Variants in DAB1 observed in about 807,000 individuals in gnomAD.
DAB1 encodes the protein DAB adaptor protein 1.
In DAB1, 15 loss-of-function variants were observed where a neutral mutation model predicts 64.6. The ratio of observed to expected loss-of-function variants is 0.23; its 90% CI spans 0.16 to 0.36. The LOEUF (loss-of-function observed/expected upper bound fraction) is 0.36, where lower values mean the gene tolerates loss of function less well. Ranked by LOEUF, DAB1 falls within the 10% of genes least tolerant of loss-of-function variation. DAB1 has a pLI of 1.00. For synonymous variants in DAB1, 235 were observed against 251.9 expected, an observed-to-expected ratio of 0.93 and a Z score of 0.64; for missense variants, 596 against 706.7, an observed-to-expected ratio of 0.84 and a Z score of 1.78.
At chr1:57,648,404 T>C (rs1032280646) in intron 7 of DAB1, among the ~76,000 whole-genome samples, 3 of 152,026 alleles carry the variant, frequency 2.0e-5, no homozygotes, top group Non-Finnish European at 4.4e-5. Flanking sequence ...ACCAACGAAA[T>C]GCAAAAATTG....
chr1:57,359,011 A>G (rs1679341732), intron 1 of DAB1, among the ~76,000 whole-genome samples: 1 of 152,122 alleles, frequency 6.6e-6, no homozygotes, highest in South Asian at 2.1e-4. Context: ...AAGAAAATAT[A>G]TAAGAAAAGC....
intron 7 of DAB1, among the ~76,000 whole-genome samples, chr1:57,610,344 G>A (rs182723653): frequency 2.4e-4 from 37 of 152,250 alleles, no homozygotes; most frequent in Admixed American, 2.3e-3. Context: ...GCACTAATCT[G>A]AGCACTGTAC....
intron 7 of DAB1, among the ~76,000 whole-genome samples, chr1:57,458,852 A>G (rs1343037713): frequency 6.6e-6 from 1 of 152,094 alleles, no homozygotes; most frequent in African/African-American, 2.4e-5. Context: ...GTAAAAGAAA[A>G]CCAAAATTGA....
intron 12 of DAB1, among the ~76,000 whole-genome samples, chr1:57,012,833 C>T (rs1646305720): frequency 6.6e-6 from 1 of 152,226 alleles, no homozygotes; most frequent in Admixed American, 6.5e-5. Context: ...AGAACACAAG[C>T]TGAGTTGCCA....
At chr1:57,620,985 AG>A (rs1276514159) in intron 7 of DAB1, among the ~76,000 whole-genome samples, 1 of 151,946 alleles carries the variant, frequency 6.6e-6, no homozygotes, top group Admixed American at 6.6e-5. Flanking sequence ...GTTGGTCACA[AG>A]GGGTGTGTGT....
In DAB1 at chr1:57,452,166, C is replaced by CCCTTT. The variant is rs367685387; in HGVS notation, n.626-161001_626-161000insAAAGG. Among the ~76,000 whole-genome samples the CCCTTT allele has an allele frequency of 4.1e-4, 31 of 75,014 alleles. 1 individual carries two copies. The highest frequency in any genetic ancestry group is 6.7e-4 in the South Asian group (1 of 1,492). 49.2% of individuals were successfully genotyped at this position (75,014 alleles called of 152,430 possible). On this transcript the variant is annotated intron_variant and non_coding_transcript_variant, in intron 7 of 20. Coordinates refer to the DAB1 transcript ENST00000485760. ...GATTTAGTCTCTCTCTGCACCCCCCCTTTTTTTTTTTTTTTTTTTTTGACA... is the reference window on the plus strand; with the variant it reads ...GATTTAGTCTCTCTCTGCACCCCCCCCCTTTTTTTTTTTTTTTTTTTTTTTTGACA...
At chr1:57,337,925 C>G (rs1343841519) in intron 1 of DAB1, among the ~76,000 whole-genome samples, 2 of 148,158 alleles carry the variant, frequency 1.3e-5, no homozygotes, top group Non-Finnish European at 3.0e-5. Flanking sequence ...TTGCTTCCTC[C>G]TTTTTTCTCT....
chr1:57,279,174 C>A (rs549333721), intron 2 of DAB1, among the ~76,000 whole-genome samples: 4 of 152,068 alleles, frequency 2.6e-5, no homozygotes, highest in Non-Finnish European at 5.9e-5. Context: ...TTATATCTTC[C>A]ATATCCATGG....
intron 5 of DAB1, among the ~76,000 whole-genome samples, chr1:57,958,531 G>C (rs1204545206): frequency 6.6e-6 from 1 of 152,172 alleles, no homozygotes; most frequent in Non-Finnish European, 1.5e-5. Context: ...CCTACCTCTT[G>C]AGTAAGTCAC....
chr1:57,113,287 T>C (rs1655825462), intron 4 of DAB1, among the ~76,000 whole-genome samples: 2 of 152,230 alleles, frequency 1.3e-5, no homozygotes, highest in African/African-American at 4.8e-5. Flanking sequence ...AGAAATCCTA[T>C]AAAATAGGTA....
chr1:57,814,272 T>A (rs1309151801), intron 6 of DAB1, among the ~76,000 whole-genome samples: 1 of 152,274 alleles, frequency 6.6e-6, no homozygotes. Context: ...AGTACAGATA[T>A]AGTCTATAAT....
chr1:58,489,278 G>T (rs549831197), intron 3 of DAB1, among the ~76,000 whole-genome samples: 1 of 152,160 alleles, frequency 6.6e-6, no homozygotes, highest in African/African-American at 2.4e-5. Flanking sequence ...TTAGCAAACG[G>T]CACACCAGGA....
chr1:57,668,260 A>C (rs1306915679), intron 6 of DAB1, among the ~76,000 whole-genome samples: 1 of 152,104 alleles, frequency 6.6e-6, no homozygotes, highest in Non-Finnish European at 1.5e-5. Context: ...GATACTAAAA[A>C]ATTTAAGATT....
chr1:57,524,816 A>G (rs1644571875), intron 7 of DAB1, among the ~76,000 whole-genome samples: 1 of 152,180 alleles, frequency 6.6e-6, no homozygotes, highest in East Asian at 1.9e-4. Flanking sequence ...TGCAAGTCAC[A>G]GGGGATGCCA....
At chr1:57,335,796 T>A (rs1194187931) in intron 1 of DAB1, among the ~76,000 whole-genome samples, 1 of 152,190 alleles carries the variant, frequency 6.6e-6, no homozygotes. Context: ...AACCTTTTAG[T>A]CAATCTGGCC....
At chr1:57,812,625 C>T (rs1310462179) in intron 6 of DAB1, among the ~76,000 whole-genome samples, 2 of 152,336 alleles carry the variant, frequency 1.3e-5, no homozygotes, top group East Asian at 1.9e-4. Flanking sequence ...AAAACTGCAA[C>T]CCTGTGCCAG....
chr1:57,470,439 T>C (rs1368298382), intron 7 of DAB1, among the ~76,000 whole-genome samples: 1 of 152,230 alleles, frequency 6.6e-6, no homozygotes, highest in Non-Finnish European at 1.5e-5. Flanking sequence ...ATTTAAAGTG[T>C]TCTTTCCACT....
intron 6 of DAB1, among the ~76,000 whole-genome samples, chr1:57,730,648 T>G (rs904159269): frequency 6.6e-6 from 1 of 152,214 alleles, no homozygotes; most frequent in African/African-American, 2.4e-5. Context: ...TGATCTTTAC[T>G]TCTCACATGA....
chr1:57,585,547 A>G (rs1385636710), intron 7 of DAB1, among the ~76,000 whole-genome samples: 2 of 152,132 alleles, frequency 1.3e-5, no homozygotes, highest in Non-Finnish European at 1.5e-5. Flanking sequence ...ACGTGCATGC[A>G]TTGTCTGGTT....
Sources: allele counts gnomAD v4.1 joint callset (sites outside exome capture counted in the v4.1 genomes callset), GRCh38; gene constraint gnomAD v4.1.1; transcripts MANE v1.5; gene names NCBI Gene and HGNC (gene_info 2026-07-23, HGNC 2026-07-21).